SLC35F3: variants seen among roughly 807,000 people sequenced by gnomAD.
SLC35F3 encodes putative thiamine transporter SLC35F3.
In SLC35F3, 25 loss-of-function variants were observed where a neutral mutation model predicts 49.9. The ratio of observed to expected loss-of-function variants is 0.50; its 90% CI spans 0.37 to 0.70. The LOEUF is 0.70. Ranked by LOEUF, SLC35F3 falls within the 30% of genes least tolerant of loss-of-function variation. The pLI, the probability that SLC35F3 is intolerant of heterozygous loss-of-function variation, is 0.00. For missense variants in SLC35F3, 525 were observed against 639.8 expected (o/e 0.82, Z 1.94); for synonymous variants, 275 against 265.4 (o/e 1.04, Z -0.35).
chr1:233,954,525 G>GGCAA (rs1268140327), intron 2 of SLC35F3, among the ~76,000 whole-genome samples: 1 of 152,208 alleles, frequency 6.6e-6, no homozygotes, highest in East Asian at 1.9e-4. Flanking sequence ...AAGCTCTTCT[G>GGCAA]GCAAGCAACT....
intron 3 of SLC35F3, chr1:234,274,538 A>G (rs72761907): frequency 0.15 from 22,994 of 152,226 alleles, 2,061 homozygotes; most frequent in South Asian, 0.19. Context: ...GGATCCCTGG[A>G]TAGTAACTTC....
At chr1:234,254,870 G>T (rs1341602514) in intron 3 of SLC35F3, among the ~76,000 whole-genome samples, 3 of 152,144 alleles carry the variant, frequency 2.0e-5, no homozygotes, top group Admixed American at 6.5e-5. Context: ...ACATGTTTTA[G>T]TTCATCATTG....
At chr1:234,099,537 G>C (rs1307899571) in intron 2 of SLC35F3, among the ~76,000 whole-genome samples, 1 of 150,326 alleles carries the variant, frequency 6.7e-6, no homozygotes, top group African/African-American at 2.4e-5. Flanking sequence ...TTGAACCCTG[G>C]AGGTGGACGT....
Position 234,320,277 on chromosome 1 carries a change from CACACTCACACAT to C in SLC35F3, c.1237+100_1237+111del, listed in dbSNP as rs931230328. 3 of 860,638 alleles carry C rather than the reference CACACTCACACAT, an allele frequency of 3.5e-6. No homozygotes were observed. Among genetic ancestry groups the C allele is most frequent in the Admixed American group, 3.5e-5 (2 of 57,070 alleles). 53.3% of individuals were successfully genotyped at this position (860,638 alleles called of 1,614,324 possible). A position where few individuals can be genotyped will look rare whatever the true frequency, so the allele number is the denominator to read the frequency against. ...ACATACACACACTCATGCATACATA[CACACTCACACAT>C]ACACTCACATACACACACTCATGCA... On this transcript the variant is annotated intron_variant, in intron 7 of 7. Transcript: ENST00000366618. The surrounding 1 kb of genome is among the most constrained non-coding windows in gnomAD (Gnocchi z 4.8).
At chr1:233,921,299 C>T (rs1223742685) in intron 2 of SLC35F3, among the ~76,000 whole-genome samples, 2 of 152,064 alleles carry the variant, frequency 1.3e-5, no homozygotes, top group Non-Finnish European at 2.9e-5. Flanking sequence ...TTATATCCGC[C>T]CCACCCCGAC....
At chr1:234,181,338 G>GAAAAAAAAAAAAAAAAAA (rs34757532) in intron 2 of SLC35F3, among the ~76,000 whole-genome samples, 8 of 97,308 alleles carry the variant, frequency 8.2e-5, no homozygotes, top group African/African-American at 1.5e-4. Context: ...TCTGTCTCAA[G>GAAAAAAAAAAAAAAAAAA]AAAAAAAAAA....
At chr1:234,068,559 C>A (rs537206178) in intron 2 of SLC35F3, among the ~76,000 whole-genome samples, 3 of 151,870 alleles carry the variant, frequency 2.0e-5, no homozygotes, top group Admixed American at 6.6e-5. Context: ...TAATTGCTGT[C>A]CCTGAAACAG....
At chr1:234,284,255 A>G (rs1288791071) in intron 3 of SLC35F3, among the ~76,000 whole-genome samples, 1 of 152,210 alleles carries the variant, frequency 6.6e-6, no homozygotes, top group African/African-American at 2.4e-5. Context: ...TGTAGATGAC[A>G]AAATGGAGGC....
At chr1:234,026,074 G>GT (rs1663973647) in intron 2 of SLC35F3, among the ~76,000 whole-genome samples, 1 of 152,126 alleles carries the variant, frequency 6.6e-6, no homozygotes, top group Non-Finnish European at 1.5e-5. Context: ...TCCCCATTAT[G>GT]TACTGTTGAC....
At chr1:234,212,785 A>G (rs1353101411) in intron 2 of SLC35F3, 1 of 152,256 alleles carries the variant, frequency 6.6e-6, no homozygotes, top group Non-Finnish European at 1.5e-5. Flanking sequence ...TGTAGTAAAA[A>G]GATCCTCTTT....
chr1:233,972,002 G>A (rs150744558), intron 2 of SLC35F3, among the ~76,000 whole-genome samples: 1 of 152,232 alleles, frequency 6.6e-6, no homozygotes, highest in Non-Finnish European at 1.5e-5. Flanking sequence ...GTGTGTCAGG[G>A]ACCCTGGAGG....
chr1:234,207,203 C>T (rs1263315976), intron 2 of SLC35F3, among the ~76,000 whole-genome samples: 13 of 151,754 alleles, frequency 8.6e-5, no homozygotes, highest in Non-Finnish European at 4.4e-5. Context: ...AAAAAGCTTC[C>T]TCTGAGATCA....
chr1:234,082,901 G>C (rs1664902226), intron 2 of SLC35F3, among the ~76,000 whole-genome samples: 1 of 152,130 alleles, frequency 6.6e-6, no homozygotes, highest in African/African-American at 2.4e-5. Flanking sequence ...AGCCACATGG[G>C]AGCTGCAATT....
chr1:234,004,246 A>G (rs1663596565), intron 2 of SLC35F3, among the ~76,000 whole-genome samples: 1 of 152,204 alleles, frequency 6.6e-6, no homozygotes, highest in South Asian at 2.1e-4. Flanking sequence ...AATGATTACA[A>G]TGGAAAACAA....
chr1:234,291,125 C>T lies in SLC35F3; in HGVS notation c.609-17976C>T, dbSNP rs1183577952. 3.9e-5 allele frequency among the ~76,000 whole-genome samples: 6 copies of T among 152,208 alleles called. No individual in the cohort carries two copies. The East Asian group carries it at 9.6e-4, about 24-fold the overall frequency. ...GGGTCACATGCCTGTTCGCCACCCCCCAAACCACCAACCCCTCCCTGACAC... is the reference window on the plus strand; with the variant it reads ...GGGTCACATGCCTGTTCGCCACCCCTCAAACCACCAACCCCTCCCTGACAC... On this transcript the variant is annotated intron_variant, in intron 3 of 7. Transcript: ENST00000366618.
chr1:234,208,783 C>T lies in SLC35F3; in HGVS notation c.284-22634C>T, dbSNP rs760230361. Among the ~76,000 whole-genome samples the T allele has an allele frequency of 3.3e-4, 51 of 152,318 alleles. 1 individual carries two copies. Among genetic ancestry groups the T allele is most frequent in the East Asian group, 3.9e-4 (2 of 5,180 alleles). On this transcript the variant is annotated intron_variant, in intron 2 of 7. Transcript: ENST00000366618. Reference sequence around the variant, plus strand: ...CTGCTGAGATCACAAAACCCAGTCACTCTTCATAAGTCTGCCATACCAGAC... The same window carrying T: ...CTGCTGAGATCACAAAACCCAGTCATTCTTCATAAGTCTGCCATACCAGAC...
intron 2 of SLC35F3, among the ~76,000 whole-genome samples, chr1:234,035,463 A>G (rs1381333176): frequency 1.3e-5 from 2 of 152,064 alleles, no homozygotes; most frequent in African/African-American, 4.8e-5. Flanking sequence ...ACGTGGGTTT[A>G]TTTTCATCTA....
intron 2 of SLC35F3, among the ~76,000 whole-genome samples, chr1:233,992,541 G>A (rs183412818): frequency 3.8e-4 from 58 of 152,254 alleles, no homozygotes; most frequent in Non-Finnish European, 6.8e-4. Context: ...AACTAATGCA[G>A]TCTTGCAAAA....
At chr1:234,275,208 T>G (rs1199314365) in intron 3 of SLC35F3, among the ~76,000 whole-genome samples, 2 of 152,190 alleles carry the variant, frequency 1.3e-5, no homozygotes, top group Non-Finnish European at 2.9e-5. Context: ...CTTTAAAATA[T>G]TGTAGAAAAT....
Sources: allele counts gnomAD v4.1 joint callset (sites outside exome capture counted in the v4.1 genomes callset), GRCh38; gene constraint gnomAD v4.1.1; non-coding constraint Gnocchi (gnomAD v3.1); transcripts MANE v1.5; gene names NCBI Gene and HGNC (gene_info 2026-07-23, HGNC 2026-07-21).